NHS: variants seen among roughly 807,000 people sequenced by gnomAD.
NHS encodes NHS actin remodeling regulator.
NHS carries 5 observed loss-of-function variants against 72.5 expected under a neutral mutation model. The observed-to-expected ratio is 0.07, with a 90% CI of 0.04 to 0.14. NHS has a LOEUF of 0.14. Among genes scored for constraint, NHS ranks in the 10% least tolerant of loss-of-function variants. NHS has a pLI of 1.00. For synonymous variants in NHS, 464 were observed against 547.7 expected (o/e 0.85, Z 2.13); for missense variants, 1,072 against 1,355.7 (o/e 0.79, Z 3.29).
intron 2 of NHS, among the ~76,000 whole-genome samples, chrX:17,688,946 T>C (rs1254038149): frequency 8.9e-6 from 1 of 112,393 alleles, no homozygotes; most frequent in Non-Finnish European, 1.9e-5. Flanking sequence ...TTTTGGCCTT[T>C]AGATTCTTGC....
chrX:17,567,587 C>T (rs373121132), intron 1 of NHS, among the ~76,000 whole-genome samples: 1 of 111,479 alleles, frequency 9.0e-6, no homozygotes, highest in African/African-American at 3.3e-5. Flanking sequence ...TTCCACCTCC[C>T]CTCCACGTAT....
intron 1 of NHS, among the ~76,000 whole-genome samples, chrX:17,575,238 A>G (rs2065503944): frequency 8.9e-6 from 1 of 112,375 alleles, no homozygotes; most frequent in Non-Finnish European, 1.9e-5. Context: ...TTCCCACTGC[A>G]CTTAGGATGA....
chrX:17,671,174 C>T (rs1432019991), intron 1 of NHS, among the ~76,000 whole-genome samples: 1 of 112,410 alleles, frequency 8.9e-6, no homozygotes, highest in Non-Finnish European at 1.9e-5. Flanking sequence ...CTTTCACTGG[C>T]AAGTCTTGGC....
intron 1 of NHS, among the ~76,000 whole-genome samples, chrX:17,524,882 T>C (rs942309283): frequency 8.9e-6 from 1 of 112,591 alleles, no homozygotes; most frequent in African/African-American, 3.2e-5. Context: ...TTAGCATTCA[T>C]TGAGGATTCT....
intron 5 of NHS, among the ~76,000 whole-genome samples, chrX:17,723,331 T>C (rs1249171990): frequency 8.9e-6 from 1 of 112,071 alleles, no homozygotes; most frequent in Non-Finnish European, 1.9e-5. Flanking sequence ...TGTGACTTTC[T>C]GAGGCAAAGC....
intron 1 of NHS, among the ~76,000 whole-genome samples, chrX:17,410,425 A>G (rs1015426119): frequency 2.7e-5 from 3 of 109,647 alleles, no homozygotes; most frequent in African/African-American, 1.0e-4. Context: ...GATAATAACT[A>G]GTTCATTATC....
chrX:17,634,001 C>T (rs2065832226), intron 1 of NHS, among the ~76,000 whole-genome samples: 1 of 111,839 alleles, frequency 8.9e-6, no homozygotes, highest in African/African-American at 3.2e-5. Flanking sequence ...TCTCTCTCTT[C>T]TGTCTTCATC....
At chrX:17,486,481 G>T (rs764558182) in intron 1 of NHS, among the ~76,000 whole-genome samples, 71 of 111,794 alleles carry the variant, frequency 6.4e-4, no homozygotes, top group African/African-American at 2.1e-3. Flanking sequence ...CTCATCTTCA[G>T]GTTTGGTTCC....
intron 1 of NHS, among the ~76,000 whole-genome samples, chrX:17,416,070 C>T (rs1341329474): frequency 3.6e-5 from 4 of 111,474 alleles, no homozygotes; most frequent in Non-Finnish European, 5.6e-5. Context: ...TTTATGGATG[C>T]CCTGTTCACT....
intron 1 of NHS, among the ~76,000 whole-genome samples, chrX:17,578,769 T>C (rs1394588163): frequency 3.6e-5 from 4 of 112,375 alleles, no homozygotes; most frequent in Non-Finnish European, 5.6e-5. Flanking sequence ...AGATTGTATT[T>C]CCACAAACAA....
chrX:17,400,876 G>A (rs2064500096), intron 1 of NHS, among the ~76,000 whole-genome samples: 1 of 111,554 alleles, frequency 9.0e-6, no homozygotes, highest in African/African-American at 3.3e-5. Context: ...TGCAGTAATT[G>A]ACAAAGTGAT....
intron 1 of NHS, among the ~76,000 whole-genome samples, chrX:17,490,915 G>T (rs948939132): frequency 1.8e-5 from 2 of 111,406 alleles, no homozygotes; most frequent in Admixed American, 1.9e-4. Flanking sequence ...CTCATGATTT[G>T]GCTCTCAGTT....
At chrX:17,685,366 G>T (rs1460022512) in intron 1 of NHS, among the ~76,000 whole-genome samples, 1 of 111,895 alleles carries the variant, frequency 8.9e-6, no homozygotes, top group Non-Finnish European at 1.9e-5. Flanking sequence ...ATTTTGGAAA[G>T]AAAAAGGTGA....
intron 1 of NHS, among the ~76,000 whole-genome samples, chrX:17,666,532 G>A (rs2147096814): frequency 8.9e-6 from 1 of 112,582 alleles, no homozygotes; most frequent in Admixed American, 9.4e-5. Context: ...GCTCCTCTGG[G>A]AAAAGACCCC....
intron 1 of NHS, among the ~76,000 whole-genome samples, chrX:17,445,103 C>T (rs1343742286): frequency 2.7e-5 from 3 of 110,955 alleles, no homozygotes; most frequent in Non-Finnish European, 5.7e-5. Flanking sequence ...TATGTGCTAT[C>T]GGCTGGTTGT....
At chrX:17,465,440 G>C (rs1403347931) in intron 1 of NHS, among the ~76,000 whole-genome samples, 1 of 111,402 alleles carries the variant, frequency 9.0e-6, no homozygotes, top group Non-Finnish European at 1.9e-5. Flanking sequence ...TTATGCCCTT[G>C]TTGGTGCAGG....
intron 1 of NHS, among the ~76,000 whole-genome samples, chrX:17,637,477 T>C (rs1363646310): frequency 9.0e-6 from 1 of 111,196 alleles, no homozygotes; most frequent in Non-Finnish European, 1.9e-5. Flanking sequence ...TTGGCTATCT[T>C]TGGGCATTAG....
intron 1 of NHS, among the ~76,000 whole-genome samples, chrX:17,431,041 A>T (rs2064692819): frequency 8.9e-6 from 1 of 111,811 alleles, no homozygotes; most frequent in Admixed American, 9.5e-5. Context: ...TAACCCTTGG[A>T]GGAATAGATT....
At chrX:17,514,854 C>T (rs2065111365) in intron 1 of NHS, among the ~76,000 whole-genome samples, 2 of 111,603 alleles carry the variant, frequency 1.8e-5, no homozygotes, top group Non-Finnish European at 3.8e-5. Flanking sequence ...TCTTTGGTTT[C>T]TCTGCAACTG....
Sources: gnomAD v4.1 joint callset for allele counts (sites outside exome capture counted in the v4.1 genomes callset) on GRCh38, gnomAD v4.1.1 for gene constraint, MANE v1.5 for transcripts, NCBI Gene and HGNC (gene_info 2026-07-23, HGNC 2026-07-21) for gene names.